The following SPINT2 variants were observed in gnomAD, a reference collection of about 807,000 sequenced individuals.
SPINT2 encodes the protein kunitz-type protease inhibitor 2.
A neutral mutation model predicts 30.1 loss-of-function variants in SPINT2; 18 were observed. The ratio of observed to expected loss-of-function variants is 0.60; its 90% CI spans 0.41 to 0.89. The LOEUF is 0.89. Among genes scored for constraint, SPINT2 ranks in the 40% least tolerant of loss-of-function variants. SPINT2 has a pLI of 0.00. For synonymous variants in SPINT2, 139 were observed against 137.9 expected (o/e 1.01, Z -0.05); for missense variants, 276 against 334.3 (o/e 0.83, Z 1.36).
chr19:38,276,093 G>C (rs1235172547), intron 1 of SPINT2, among the ~76,000 whole-genome samples: 2 of 152,160 alleles, frequency 1.3e-5, no homozygotes, highest in Non-Finnish European at 2.9e-5. Context: ...TGCTTTGTGT[G>C]ATCACACACT....
intron 1 of SPINT2, among the ~76,000 whole-genome samples, chr19:38,268,794 G>A (rs1015000057): frequency 3.0e-5 from 4 of 131,810 alleles, no homozygotes; most frequent in African/African-American, 8.4e-5. Context: ...TGTGTGTTAC[G>A]GCTGGCTGTT....
chr19:38,275,231 ATG>A (rs1968502121), intron 1 of SPINT2, among the ~76,000 whole-genome samples: 2 of 152,168 alleles, frequency 1.3e-5, no homozygotes, highest in South Asian at 4.1e-4. Flanking sequence ...AATGTTTCCA[ATG>A]TTTTAACTTA....
At chr19:38,275,194 T>C (rs1968501845) in intron 1 of SPINT2, among the ~76,000 whole-genome samples, 1 of 152,356 alleles carries the variant, frequency 6.6e-6, no homozygotes, top group Non-Finnish European at 1.5e-5. Context: ...GAAATTCTTT[T>C]GCACAGAAAT....
At chr19:38,278,935 C>T (rs1968549156) in intron 1 of SPINT2, among the ~76,000 whole-genome samples, 1 of 152,122 alleles carries the variant, frequency 6.6e-6, no homozygotes, top group Admixed American at 6.6e-5. Context: ...AATGAGCAAA[C>T]AAAATCCCTT....
chr19:38,283,159 G>GA (rs1255003172), intron 1 of SPINT2, among the ~76,000 whole-genome samples: 12 of 150,698 alleles, frequency 8.0e-5, no homozygotes, highest in Non-Finnish European at 1.2e-4. Context: ...TAAAAGTTCA[G>GA]AAAAAAAAAG....
At chr19:38,281,849 A>T (rs1308464878) in intron 1 of SPINT2, among the ~76,000 whole-genome samples, 1 of 152,086 alleles carries the variant, frequency 6.6e-6, no homozygotes, top group Non-Finnish European at 1.5e-5. Context: ...CCTTTTACCC[A>T]TCACTCCCCA....
At chr19:38,289,048 C>G in intron 3 of SPINT2, 90 bp from the exon 4 acceptor site, 1 of 1,188,528 alleles carries the variant, frequency 8.4e-7, no homozygotes, top group Non-Finnish European at 1.3e-6. Context: ...CGTGTCCACA[C>G]TCCTCAGTGG....
chr19:38,267,460 C>G (rs1361373581), intron 1 of SPINT2, among the ~76,000 whole-genome samples: 3 of 151,922 alleles, frequency 2.0e-5, no homozygotes, highest in Non-Finnish European at 4.4e-5. Flanking sequence ...GGAATTTATT[C>G]TGTATGAAAA....
At position 38,283,833 on chromosome 19, in the gene SPINT2, CTTTTTTTTTTTTT is replaced by C. The variant is rs754820019; in HGVS notation, c.277+50_277+62del. On this transcript the variant is annotated intron_variant, in intron 2 of 6. Coordinates refer to ENST00000301244, the MANE Select transcript of SPINT2 (RefSeq NM_021102.4). ...AGTAGTTGGAGCTTTTGTTTTTTTC[CTTTTTTTTTTTTT>C]TTTTTTTTTTTTTGAGACGGAGTCT... 151 of 941,372 alleles carry C rather than the reference CTTTTTTTTTTTTT, an allele frequency of 1.6e-4. 1 individual carries two copies. The highest frequency in any genetic ancestry group is 8.0e-4 in the Admixed American group (23 of 28,604). The allele number at this position is 941,372 out of a possible 1,614,324, so 58.3% of individuals were successfully genotyped here.
Position 38,288,264 on chromosome 19 carries a change from C to G in SPINT2, c.337+329C>G, listed in dbSNP as rs1432194595. 6 of 435,836 alleles carry G rather than the reference C, an allele frequency of 1.4e-5. No homozygotes were observed. The Admixed American group carries it at 2.1e-4, about 15-fold the overall frequency. The allele number at this position is 435,836 out of a possible 1,614,324, so 27.0% of individuals were successfully genotyped here. A position where few individuals can be genotyped will look rare whatever the true frequency, so the allele number is the denominator to read the frequency against. ...TGCGGGCCTCCAGCTGCTCTGCTGA[C>G]CCCACTCCCCACCCACCCTCCTGTC... On this transcript the variant is annotated intron_variant, in intron 3 of 6. Coordinates refer to ENST00000301244, the MANE Select transcript of SPINT2 (RefSeq NM_021102.4).
At chr19:38,273,792 C>G (rs1352559624) in intron 1 of SPINT2, among the ~76,000 whole-genome samples, 1 of 152,148 alleles carries the variant, frequency 6.6e-6, no homozygotes, top group African/African-American at 2.4e-5. Context: ...CCTGTATATC[C>G]TCTTCCTCCT....
At chr19:38,283,515 T>C in intron 1 of SPINT2, 112 bp from the exon 2 acceptor site, 2 of 1,369,232 alleles carry the variant, frequency 1.5e-6, no homozygotes, top group Non-Finnish European at 2.1e-6. Context: ...ACAGGGGAAC[T>C]GCTGGAACTC....
intron 1 of SPINT2, among the ~76,000 whole-genome samples, chr19:38,273,964 C>G (rs1968486213): frequency 6.6e-6 from 1 of 152,212 alleles, no homozygotes; most frequent in Non-Finnish European, 1.5e-5. Context: ...GGTGCGGTGG[C>G]TCACGCCTGT....
At chr19:38,287,717 G>T (rs570373817) in intron 2 of SPINT2, among the ~76,000 whole-genome samples, 159 bp from the exon 3 acceptor site, 9 of 152,324 alleles carry the variant, frequency 5.9e-5, no homozygotes, top group Non-Finnish European at 1.3e-4. Context: ...GGCAATCTTG[G>T]TTCCTTATTT....
At chr19:38,265,088 G>C in intron 1 of SPINT2, 90 bp downstream of exon 1, 6 of 1,008,728 alleles carry the variant, frequency 5.9e-6, no homozygotes, top group Non-Finnish European at 8.4e-6. Flanking sequence ...ACTGGCGGGG[G>C]AGGAAACTGG....
intron 4 of SPINT2, chr19:38,289,692 G>C (rs1055939821): frequency 3.6e-6 from 1 of 279,546 alleles, no homozygotes; most frequent in Admixed American, 5.0e-5. Context: ...GCAGTGGGAA[G>C]GAGGCTGCGC....
intron 2 of SPINT2, among the ~76,000 whole-genome samples, chr19:38,286,066 A>C (rs1427970657): frequency 6.6e-6 from 1 of 152,046 alleles, no homozygotes; most frequent in East Asian, 1.9e-4. Context: ...GAAAGCACAT[A>C]TTGGCATCTG....
intron 2 of SPINT2, among the ~76,000 whole-genome samples, chr19:38,284,312 C>G (rs1304954950): frequency 2.0e-5 from 3 of 152,086 alleles, no homozygotes; most frequent in Non-Finnish European, 2.9e-5. Flanking sequence ...CCAGGCTGGT[C>G]TTGGACTCTT....
intron 1 of SPINT2, among the ~76,000 whole-genome samples, chr19:38,273,450 C>T (rs559110475): frequency 1.1e-4 from 16 of 152,288 alleles, no homozygotes; most frequent in African/African-American, 3.6e-4. Flanking sequence ...TGATCTGCCT[C>T]GGCCTCCCAG....
Sources: allele counts gnomAD v4.1 joint callset (sites outside exome capture counted in the v4.1 genomes callset), GRCh38; gene constraint gnomAD v4.1.1; transcripts MANE v1.5; gene names NCBI Gene and HGNC (gene_info 2026-07-23, HGNC 2026-07-21).